ATP8A2: variants seen among roughly 807,000 people sequenced by gnomAD.
The protein encoded by ATP8A2 is ATPase phospholipid transporting 8A2.
A neutral mutation model predicts 165.6 loss-of-function variants in ATP8A2; 100 were observed. The ratio of observed to expected loss-of-function variants is 0.60; its 90% CI spans 0.51 to 0.71. ATP8A2 has a LOEUF of 0.71. Ranked by LOEUF, ATP8A2 falls within the 30% of genes least tolerant of loss-of-function variation. ATP8A2 has a pLI of 0.00. For synonymous variants in ATP8A2, 543 were observed against 548.8 expected (o/e 0.99, Z 0.15); for missense variants, 1,227 against 1,479.5 (o/e 0.83, Z 2.80).
At chr13:25,529,865 G>A in intron 2 of ATP8A2, 134 bp from the exon 3 acceptor site, 1 of 560,870 alleles carries the variant, frequency 1.8e-6, no homozygotes, top group Non-Finnish European at 3.1e-6. Context: ...AAGATACACA[G>A]CAATTTCCTT....
At chr13:25,812,908 A>C (rs1950914283) in intron 27 of ATP8A2, among the ~76,000 whole-genome samples, 1 of 152,136 alleles carries the variant, frequency 6.6e-6, no homozygotes, top group Non-Finnish European at 1.5e-5. Context: ...CATAGAAAGG[A>C]ATGAGATCAT....
At position 25,704,337 on chromosome 13, in the gene ATP8A2, C is replaced by CTTT. The variant is rs67458818; in HGVS notation, c.2384+5006_2384+5008dup. Among the ~76,000 whole-genome samples, 17 of 137,674 alleles carry CTTT rather than the reference C, an allele frequency of 1.2e-4. No homozygotes were observed. The South Asian group carries it at 1.4e-3, about 12-fold the overall frequency. 90.3% of individuals were successfully genotyped at this position (137,674 alleles called of 152,430 possible). A position where few individuals can be genotyped will look rare whatever the true frequency, so the allele number is the denominator to read the frequency against. ...TCTGTACATCCAACCACATCTAGGA[C>CTTT]TTTTTTTTTTTTTTTTGAGGCAGTC... On this transcript the variant is annotated intron_variant, in intron 25 of 36. Coordinates refer to ENST00000381655, the MANE Select transcript of ATP8A2 (RefSeq NM_016529.6).
chr13:25,900,168 T>G (rs1953692632), intron 33 of ATP8A2, among the ~76,000 whole-genome samples: 1 of 152,108 alleles, frequency 6.6e-6, no homozygotes, highest in Admixed American at 6.5e-5. Context: ...ATGCTGAAAT[T>G]TCTGGGTGGC....
chr13:25,940,760 G>A (rs1044816143), intron 33 of ATP8A2, among the ~76,000 whole-genome samples: 1 of 152,216 alleles, frequency 6.6e-6, no homozygotes, highest in Non-Finnish European at 1.5e-5. Flanking sequence ...TCCCCACAGA[G>A]GACTAGCCTG....
chr13:25,663,021 G>T (rs2042082958), intron 24 of ATP8A2, among the ~76,000 whole-genome samples: 1 of 152,192 alleles, frequency 6.6e-6, no homozygotes, highest in Non-Finnish European at 1.5e-5. Context: ...TGCATTGTGT[G>T]AATACCACTA....
intron 23 of ATP8A2, among the ~76,000 whole-genome samples, chr13:25,587,270 G>A (rs888249193): frequency 1.3e-5 from 2 of 152,284 alleles, no homozygotes; most frequent in East Asian, 1.9e-4. Context: ...TGTCTAGTGC[G>A]AGTGCTCCAA....
chr13:25,912,155 GACACACACACACACACAC>G (rs3056187), intron 33 of ATP8A2, among the ~76,000 whole-genome samples: 2 of 141,148 alleles, frequency 1.4e-5, no homozygotes, highest in South Asian at 2.3e-4. Flanking sequence ...GAAAATGTGA[GACACACACACACACACAC>G]ACACACACAC....
At chr13:25,950,205 C>T (rs1397204038) in intron 33 of ATP8A2, among the ~76,000 whole-genome samples, 3 of 152,276 alleles carry the variant, frequency 2.0e-5, no homozygotes, top group East Asian at 3.9e-4. Context: ...GTTTCTCTGC[C>T]TGGTTTCCCA....
At chr13:25,560,833 C>T (rs1461062377) in intron 15 of ATP8A2, among the ~76,000 whole-genome samples, 1 of 151,040 alleles carries the variant, frequency 6.6e-6, no homozygotes, top group Non-Finnish European at 1.5e-5. Context: ...TTTTCTGTAC[C>T]TCCTTAGGCA....
chr13:25,634,874 C>T (rs74527812), intron 24 of ATP8A2, among the ~76,000 whole-genome samples: 2,212 of 152,216 alleles, frequency 0.015, 49 homozygotes, highest in African/African-American at 0.049. Context: ...AACTTATGGA[C>T]ACTTACCATA....
chr13:25,669,642 T>G (rs1259007087), intron 24 of ATP8A2, among the ~76,000 whole-genome samples: 1 of 152,202 alleles, frequency 6.6e-6, no homozygotes, highest in Non-Finnish European at 1.5e-5. Flanking sequence ...GAAACTTCCT[T>G]CTTAGCCTCT....
At chr13:25,524,819 A>T (rs1218159355) in intron 2 of ATP8A2, among the ~76,000 whole-genome samples, 1 of 151,888 alleles carries the variant, frequency 6.6e-6, no homozygotes, top group Non-Finnish European at 1.5e-5. Flanking sequence ...ATTTACATGC[A>T]GTGTTATCAT....
rs148220836 is a variant in ATP8A2 at position 25,395,819 on chromosome 13, G to A, written c.76+23531G>A. On this transcript the variant is annotated intron_variant, in intron 1 of 36. Coordinates refer to ENST00000381655, the MANE Select transcript of ATP8A2 (RefSeq NM_016529.6). ...TCAAAAGTGCTAGAATTACAGGCAC[G>A]AGCCACTGTGTCTGGCTGATCCAAT... 3.0e-3 allele frequency among the ~76,000 whole-genome samples: 461 copies of A among 152,146 alleles called. 2 individuals carry two copies. The highest frequency in any genetic ancestry group is 0.01 in the African/African-American group (432 of 41,500).
intron 1 of ATP8A2, among the ~76,000 whole-genome samples, chr13:25,414,766 T>C (rs192799332): frequency 3.9e-5 from 6 of 152,226 alleles, no homozygotes; most frequent in African/African-American, 1.4e-4. Context: ...CTGAATTTCA[T>C]TGCCCAAGTT....
intron 33 of ATP8A2, among the ~76,000 whole-genome samples, chr13:25,919,362 G>A (rs189079163): frequency 5.3e-5 from 8 of 152,284 alleles, no homozygotes; most frequent in South Asian, 4.2e-4. Flanking sequence ...TTATCTGAGC[G>A]TACCCTCTCC....
intron 1 of ATP8A2, among the ~76,000 whole-genome samples, chr13:25,432,821 T>C (rs2034652628): frequency 6.6e-6 from 1 of 152,220 alleles, no homozygotes; most frequent in Non-Finnish European, 1.5e-5. Flanking sequence ...TCATGGAGCC[T>C]GGCTGTTTTA....
chr13:25,542,137 A>G (rs2038498918), intron 9 of ATP8A2, 91 bp downstream of exon 9: 1 of 1,346,050 alleles, frequency 7.4e-7, no homozygotes, highest in African/African-American at 1.5e-5. Context: ...TAGTTTTGTA[A>G]TATTTTAAAA....
At chr13:25,644,200 G>C (rs911554446) in intron 24 of ATP8A2, among the ~76,000 whole-genome samples, 2 of 151,948 alleles carry the variant, frequency 1.3e-5, no homozygotes, top group Admixed American at 6.6e-5. Flanking sequence ...GTTTCATTTT[G>C]TACTTTCCAA....
intron 25 of ATP8A2, among the ~76,000 whole-genome samples, chr13:25,702,824 C>T (rs2137932807): frequency 6.6e-6 from 1 of 152,226 alleles, no homozygotes; most frequent in East Asian, 1.9e-4. Flanking sequence ...GAGGGCTCTT[C>T]CCTTGAGGGG....
Sources: gnomAD v4.1 joint callset for allele counts (sites outside exome capture counted in the v4.1 genomes callset) on GRCh38, gnomAD v4.1.1 for gene constraint, MANE v1.5 for transcripts, NCBI Gene and HGNC (gene_info 2026-07-23, HGNC 2026-07-21) for gene names.